Variants in ARF4 observed in about 807,000 individuals in gnomAD.
The protein encoded by ARF4 is ADP-ribosylation factor 4.
Under a neutral mutation model 24.3 loss-of-function variants are expected in ARF4, and 5 were observed. That is an observed-to-expected ratio of 0.21 (90% CI 0.11 to 0.43). The LOEUF is 0.43. Ranked by LOEUF, ARF4 falls within the 20% of genes least tolerant of loss-of-function variation. The pLI is 1.00. For synonymous variants in ARF4, 62 were observed against 73.5 expected (o/e 0.84, Z 0.80); for missense variants, 107 against 213.0 (o/e 0.50, Z 3.10).
At chr3:57,596,061 T>C (rs1453617899) in intron 1 of ARF4, among the ~76,000 whole-genome samples, 2 of 152,170 alleles carry the variant, frequency 1.3e-5, no homozygotes, top group Non-Finnish European at 2.9e-5. Flanking sequence ...AGCGTTATTC[T>C]AGTCCATGGA....
chr3:57,589,617 C>G (rs2070082737), intron 1 of ARF4, among the ~76,000 whole-genome samples: 1 of 151,492 alleles, frequency 6.6e-6, no homozygotes, highest in Non-Finnish European at 1.5e-5. Flanking sequence ...ACTTGGGAGG[C>G]TGAGGCAGGA....
intron 4 of ARF4, among the ~76,000 whole-genome samples, chr3:57,576,217 G>GA (rs1428476908): frequency 6.6e-6 from 1 of 152,086 alleles, no homozygotes; most frequent in Admixed American, 6.6e-5. Context: ...TATGCTAAGT[G>GA]AAAAAATCAG....
chr3:57,577,324 G>C lies in ARF4; in HGVS notation c.322C>G (p.Gln108Glu). 1 of 1,612,760 alleles carries C rather than the reference G, an allele frequency of 6.2e-7. No homozygotes were observed. Among genetic ancestry groups the C allele is most frequent in the Non-Finnish European group, 8.5e-7 (1 of 1,179,036 alleles). Residue 108 changes from glutamine to glutamate, a missense_variant, in exon 4 of 6, where the codon CAG becomes GAG. Transcript: ENST00000303436. The stretch of plus-strand genomic sequence containing the variant: ...TAAAGTATATTTCTTACCATTTTCT[G>C]CAGCTCATCTGCTACTTCCTGAATT... Reference protein sequence around the residue: ...ERIQEVADELQKMLLVDELRD... With the variant: ...ERIQEVADELEKMLLVDELRD...
chr3:57,580,591 A>G (rs1215828615), intron 3 of ARF4, among the ~76,000 whole-genome samples: 1 of 150,604 alleles, frequency 6.6e-6, no homozygotes, highest in African/African-American at 2.4e-5. Flanking sequence ...TTTTTTTTGT[A>G]GAGACAGGGT....
intron 5 of ARF4, among the ~76,000 whole-genome samples, chr3:57,574,234 C>T (rs1338067498): frequency 1.3e-5 from 2 of 152,100 alleles, no homozygotes; most frequent in Non-Finnish European, 2.9e-5. Context: ...CCACTGCACC[C>T]GGCCTGCAAT....
At chr3:57,586,248 G>A (rs2070035281) in intron 1 of ARF4, among the ~76,000 whole-genome samples, 1 of 151,592 alleles carries the variant, frequency 6.6e-6, no homozygotes, top group African/African-American at 2.4e-5. Flanking sequence ...ACAGATTTTT[G>A]TATCGATTCA....
rs566255316 is a variant in ARF4 at position 57,594,281 on chromosome 3, A to G, written c.67+2793T>C. Among the ~76,000 whole-genome samples, 4 of 152,350 alleles carry G rather than the reference A, an allele frequency of 2.6e-5. No individual in the cohort carries two copies. In the East Asian group the frequency reaches 7.7e-4, roughly 29 times the overall value. ...TATTGCTTTATTTTTATTTTTTTCA[A>G]ATAGATACGGGGTCTTGCTATGTTG... On this transcript the variant is annotated intron_variant, in intron 1 of 5. Coordinates refer to ENST00000303436, the MANE Select transcript of ARF4 (RefSeq NM_001660.4).
chr3:57,591,402 GA>G (rs1164136803), intron 1 of ARF4, among the ~76,000 whole-genome samples: 11 of 143,786 alleles, frequency 7.7e-5, no homozygotes, highest in Admixed American at 3.5e-4. Context: ...TAATGAAAAG[GA>G]AAAAAAAAAG....
At chr3:57,596,925 T>C (rs1431729399) in intron 1 of ARF4, 149 bp downstream of exon 1, 6 of 761,832 alleles carry the variant, frequency 7.9e-6, no homozygotes, top group Non-Finnish European at 1.3e-5. Flanking sequence ...TCCGCTCCAT[T>C]GTTCCCCCTT....
intron 1 of ARF4, among the ~76,000 whole-genome samples, chr3:57,596,178 T>C (rs1236626024): frequency 1.3e-5 from 2 of 152,096 alleles, no homozygotes; most frequent in African/African-American, 2.4e-5. Context: ...CCCTAAAAAG[T>C]AGTTTTTAAA....
chr3:57,588,339 C>T (rs1459629289), intron 1 of ARF4, among the ~76,000 whole-genome samples: 1 of 151,508 alleles, frequency 6.6e-6, no homozygotes, highest in African/African-American at 2.4e-5. Context: ...CTGAGGCAGG[C>T]GGATCGCTTG....
chr3:57,572,670 C>T (rs998306008), intron 5 of ARF4, among the ~76,000 whole-genome samples: 10 of 152,176 alleles, frequency 6.6e-5, no homozygotes, highest in Middle Eastern at 6.8e-3. Flanking sequence ...AGTGAGACTC[C>T]GTCTCAATCA....
chr3:57,595,304 A>G (rs1440982301), intron 1 of ARF4, among the ~76,000 whole-genome samples: 2 of 152,244 alleles, frequency 1.3e-5, no homozygotes, highest in Non-Finnish European at 2.9e-5. Context: ...GTGTTCTGGA[A>G]CATAACCATA....
intron 1 of ARF4, among the ~76,000 whole-genome samples, chr3:57,595,736 G>A (rs911562735): frequency 2.0e-5 from 3 of 152,148 alleles, no homozygotes; most frequent in Non-Finnish European, 4.4e-5. Context: ...ATCACCTGAG[G>A]TGAGGAGTTC....
intron 5 of ARF4, among the ~76,000 whole-genome samples, chr3:57,574,972 C>T (rs987748282): frequency 7.2e-5 from 11 of 152,116 alleles, no homozygotes; most frequent in South Asian, 2.1e-4. Context: ...CCTCAGCCTT[C>T]CTGAGTAGCT....
In ARF4 at chr3:57,597,207, T is replaced by C. The variant is rs536221891; in HGVS notation, c.-67A>G. ...TGGGGCGACCCCGTGCTTTCTCCTT[T>C]CAAGCTCCCAGGCAAACTAAACGAG... On this transcript the variant is annotated 5_prime_UTR_variant, in exon 1 of 6. Coordinates refer to ENST00000303436, the MANE Select transcript of ARF4 (RefSeq NM_001660.4). 1.7e-5 allele frequency: 25 copies of C among 1,482,004 alleles called. No homozygotes were observed. In the African/African-American group the frequency reaches 3.3e-4, roughly 20 times the overall value. 91.8% of individuals were successfully genotyped at this position (1,482,004 alleles called of 1,614,324 possible). A position where few individuals can be genotyped will look rare whatever the true frequency, so the allele number is the denominator to read the frequency against.
chr3:57,576,504 C>CT (rs376750506), intron 4 of ARF4, among the ~76,000 whole-genome samples: 6,446 of 101,498 alleles, frequency 0.064, 261 homozygotes, highest in Non-Finnish European at 0.08. Context: ...CTCAACCAAG[C>CT]TTTTTTTTTT....
At chr3:57,575,512 T>C (rs1211046758) in intron 5 of ARF4, 36 bp downstream of exon 5, 8 of 1,580,646 alleles carry the variant, frequency 5.1e-6, no homozygotes, top group Middle Eastern at 3.4e-4. Context: ...TAAGTCTTAA[T>C]AGTCAAGAGG....
intron 3 of ARF4, among the ~76,000 whole-genome samples, chr3:57,579,210 C>T (rs2069941719): frequency 2.6e-5 from 3 of 114,636 alleles, no homozygotes; most frequent in South Asian, 3.1e-4. Context: ...GCCGAGATGG[C>T]GCCATTGCAC....
Sources: gnomAD v4.1 joint callset for allele counts (sites outside exome capture counted in the v4.1 genomes callset) on GRCh38, gnomAD v4.1.1 for gene constraint, MANE v1.5 for transcripts, NCBI Gene and HGNC (gene_info 2026-07-23, HGNC 2026-07-21) for gene names.